The following TNR variants were observed in gnomAD, a reference collection of about 807,000 sequenced individuals.
TNR encodes tenascin-R.
In TNR, 45 loss-of-function variants were observed where a neutral mutation model predicts 150.4. The ratio of observed to expected loss-of-function variants is 0.30; its 90% CI spans 0.24 to 0.38. The LOEUF (loss-of-function observed/expected upper bound fraction) is 0.38, where lower values mean the gene tolerates loss of function less well. Ranked by LOEUF, TNR falls within the 10% of genes least tolerant of loss-of-function variation. TNR has a pLI of 1.00. For missense variants in TNR, 1,544 were observed against 1,759.1 expected (o/e 0.88, Z 2.19); for synonymous variants, 687 against 678.4 (o/e 1.01, Z -0.20).
intron 2 of TNR, among the ~76,000 whole-genome samples, chr1:175,455,617 A>C (rs1294735005): frequency 2.0e-5 from 3 of 152,210 alleles, no homozygotes; most frequent in Non-Finnish European, 4.4e-5. Flanking sequence ...TATGTCAGGG[A>C]AGTCTTCAGA....
chr1:175,387,408 G>A (rs1652988530), intron 7 of TNR, among the ~76,000 whole-genome samples: 1 of 152,196 alleles, frequency 6.6e-6, no homozygotes, highest in African/African-American at 2.4e-5. Context: ...ACCGTGCAGA[G>A]CCAGGGCTGG....
At chr1:175,709,008 C>G (rs1666918986) in intron 1 of TNR, among the ~76,000 whole-genome samples, 1 of 140,502 alleles carries the variant, frequency 7.1e-6, no homozygotes, top group Non-Finnish European at 1.5e-5. Flanking sequence ...ATCATGTAAT[C>G]CTCACGACAG....
In TNR at chr1:175,335,751, G is replaced by A. The variant is rs1164920840; in HGVS notation, c.3591C>T (p.Tyr1197=). 1 of 1,614,054 alleles carries A rather than the reference G, an allele frequency of 6.2e-7. No homozygotes were observed. Among genetic ancestry groups the A allele is most frequent in the Admixed American group, 1.7e-5 (1 of 60,008 alleles). ...QTDFFRKWAD[Y]RVGFGNVEDE... is the part of the protein sequence containing the mutation. ...CCTCCACGTTCCCGAAGCCAACACG[G>A]TAATCAGCCCATTTCCGGAAAAAAT... Residue 1197 remains tyrosine (Y), a synonymous_variant, in exon 20 of 23, where the codon TAC becomes TAT. Transcript: ENST00000367674.
intron 2 of TNR, among the ~76,000 whole-genome samples, chr1:175,424,988 G>T (rs1203335934): frequency 1.3e-5 from 2 of 152,074 alleles, no homozygotes; most frequent in Admixed American, 6.6e-5. Context: ...GGGGGGCCTG[G>T]GGAGGATGGG....
intron 1 of TNR, among the ~76,000 whole-genome samples, chr1:175,610,124 C>G (rs145353896): frequency 2.0e-5 from 3 of 152,308 alleles, no homozygotes; most frequent in African/African-American, 7.2e-5. Context: ...TATCTCAGAA[C>G]AAATCTTCCC....
chr1:175,403,423 G>T lies in TNR; in HGVS notation c.693C>A (p.Ser231=). Residue 231 remains serine (S), a synonymous_variant, in exon 4 of 23, where the codon TCC becomes TCA. Transcript: ENST00000367674. The part of the protein sequence containing the change: ...CDSEYSGDDC[S]ELRCPTDCSS... Reference sequence around the variant, plus strand: ...TGCAGTCTGTTGGGCACCGGAGTTCGGAACAGTCATCCCCGCTGTACTCGC... The same window carrying T: ...TGCAGTCTGTTGGGCACCGGAGTTCTGAACAGTCATCCCCGCTGTACTCGC... 6.2e-7 allele frequency: 1 copy of T among 1,614,150 alleles called. No individual in the cohort carries two copies. The highest frequency in any genetic ancestry group is 8.5e-7 in the Non-Finnish European group (1 of 1,180,024).
At chr1:175,416,835 C>T (rs557011799) in intron 2 of TNR, among the ~76,000 whole-genome samples, 5 of 152,172 alleles carry the variant, frequency 3.3e-5, no homozygotes, top group East Asian at 1.9e-4. Context: ...CGGGAAACCC[C>T]GTCTCTACTA....
intron 1 of TNR, among the ~76,000 whole-genome samples, chr1:175,534,685 G>A (rs1270819961): frequency 6.6e-6 from 1 of 152,344 alleles, no homozygotes; most frequent in Non-Finnish European, 1.5e-5. Context: ...TGGTACTAGA[G>A]GGGCTGCAGG....
intron 2 of TNR, among the ~76,000 whole-genome samples, chr1:175,490,239 C>T (rs999836576): frequency 6.6e-6 from 1 of 152,146 alleles, no homozygotes; most frequent in East Asian, 1.9e-4. Context: ...GAATTAAAGA[C>T]TTAAATGTAA....
intron 14 of TNR, among the ~76,000 whole-genome samples, chr1:175,361,379 G>T (rs990291254): frequency 2.6e-5 from 4 of 152,232 alleles, no homozygotes; most frequent in Middle Eastern, 3.4e-3. Flanking sequence ...GCTTCTTTTG[G>T]TGTATTGGAC....
At chr1:175,711,353 C>CA (rs1248944107) in intron 1 of TNR, among the ~76,000 whole-genome samples, 2 of 151,704 alleles carry the variant, frequency 1.3e-5, no homozygotes, top group Non-Finnish European at 2.9e-5. Flanking sequence ...ACACCAAGTG[C>CA]AAAGCCCTAG....
intron 13 of TNR, among the ~76,000 whole-genome samples, chr1:175,363,104 C>T (rs868255828): frequency 3.3e-5 from 5 of 152,156 alleles, no homozygotes; most frequent in South Asian, 2.1e-4. Context: ...TAGAGGGCAC[C>T]GATGCAAGGA....
intron 1 of TNR, among the ~76,000 whole-genome samples, chr1:175,559,280 T>C (rs1661318493): frequency 6.6e-6 from 1 of 152,208 alleles, no homozygotes; most frequent in Non-Finnish European, 1.5e-5. Flanking sequence ...TTGTTCACTT[T>C]AAAATTGTTA....
chr1:175,354,417 C>G lies in TNR; in HGVS notation c.3356G>C (p.Ser1119Thr). ...TGTGGTGAAAGCGGTGGAGGTGATG[C>G]TGCTCCACGTGGTGTCCTGTGCTGC... is the stretch of plus-strand genomic sequence containing the variant. ...LQAAQDTTWS[S>T]ITSTAFTTGG... Residue 1119 changes from serine (S) to threonine (T), a missense_variant, in exon 18 of 23, where the codon AGC becomes ACC. Physicochemically the swap from Ser to Thr is moderately conservative, Grantham distance 58. Transcript: ENST00000367674. 2 of 1,614,078 alleles carry G rather than the reference C, an allele frequency of 1.2e-6. No individual in the cohort carries two copies. The highest frequency in any genetic ancestry group is 4.5e-5 in the East Asian group (2 of 44,874).
chr1:175,720,255 G>A (rs1667262805), intron 1 of TNR, among the ~76,000 whole-genome samples: 1 of 152,130 alleles, frequency 6.6e-6, no homozygotes, highest in Non-Finnish European at 1.5e-5. Context: ...TTGCTCTCTT[G>A]TGCTCTCTCT....
intron 2 of TNR, among the ~76,000 whole-genome samples, chr1:175,408,857 A>C (rs887570108): frequency 1.3e-5 from 2 of 152,232 alleles, no homozygotes; most frequent in African/African-American, 4.8e-5. Context: ...GGAACATATG[A>C]AATGTGTTAT....
At chr1:175,584,627 A>C (rs1291424869) in intron 1 of TNR, among the ~76,000 whole-genome samples, 2 of 152,214 alleles carry the variant, frequency 1.3e-5, no homozygotes, top group African/African-American at 2.4e-5. Flanking sequence ...TATAACAATA[A>C]ATACTCGCTA....
At chr1:175,602,895 G>A (rs1460228649) in intron 1 of TNR, among the ~76,000 whole-genome samples, 1 of 151,992 alleles carries the variant, frequency 6.6e-6, no homozygotes, top group African/African-American at 2.4e-5. Flanking sequence ...ATATTTGAGG[G>A]TACTAATTTT....
chr1:175,511,185 G>A (rs1659157464), intron 2 of TNR, among the ~76,000 whole-genome samples: 1 of 152,130 alleles, frequency 6.6e-6, no homozygotes, highest in Non-Finnish European at 1.5e-5. Flanking sequence ...GCCCAGTGCA[G>A]TAAACATATA....
Sources: gnomAD v4.1 joint callset for allele counts (sites outside exome capture counted in the v4.1 genomes callset) on GRCh38, gnomAD v4.1.1 for gene constraint, MANE v1.5 for transcripts, NCBI Gene and HGNC (gene_info 2026-07-23, HGNC 2026-07-21) for gene names.